ZBTB7B: variants seen among roughly 807,000 people sequenced by gnomAD.
ZBTB7B encodes the protein zinc finger and BTB domain containing 7B.
A neutral mutation model predicts 31.0 loss-of-function variants in ZBTB7B; 8 were observed. That is an observed-to-expected ratio of 0.26 (90% CI 0.15 to 0.47). The LOEUF is 0.47. ZBTB7B is among the 20% of genes least tolerant of loss of function. The pLI, the probability that ZBTB7B is intolerant of heterozygous loss-of-function variation, is 0.99. For synonymous variants in ZBTB7B, 261 were observed against 307.3 expected, an observed-to-expected ratio of 0.85 and a Z score of 1.58; for missense variants, 494 against 742.4, an observed-to-expected ratio of 0.67 and a Z score of 3.89.
At chr1:155,010,960 C>T (rs1232322694) in intron 1 of ZBTB7B, 2 of 1,535,744 alleles carry the variant, frequency 1.3e-6, no homozygotes. Context: ...CCCCAAGCTG[C>T]TGCTCCTGGA....
intron 1 of ZBTB7B, chr1:155,013,965 A>G: frequency 1.1e-6 from 1 of 929,954 alleles, no homozygotes; most frequent in African/African-American, 1.8e-5. Context: ...AAGAGGAGGA[A>G]GAGGATGATG....
At chr1:155,014,550 CTGGCATGCAGTCATCCCTCAATAAGTAT>C in intron 1 of ZBTB7B, 77 bp from the exon 2 acceptor site, 1 of 979,382 alleles carries the variant, frequency 1.0e-6, no homozygotes, top group Non-Finnish European at 1.5e-6. Context: ...AGAAGGGTGA[CTGGCATGCAGTCATCCCTCAATAAGTAT>C]TGGCTAAAGT....
At chr1:155,002,788 A>C (rs1243245039), upstream of ZBTB7B, 1 of 154,094 alleles carries the variant, frequency 6.5e-6, no homozygotes, top group African/African-American at 2.4e-5. Context: ...AGGGCGGCGG[A>C]GGAGGAGCCC....
At chr1:155,012,156 T>G (rs1659033420) in intron 1 of ZBTB7B, among the ~76,000 whole-genome samples, 1 of 152,100 alleles carries the variant, frequency 6.6e-6, no homozygotes. Flanking sequence ...CCTGAGCCTG[T>G]GACCTGACAG....
At chr1:155,011,791 C>T (rs1659006336) in intron 1 of ZBTB7B, among the ~76,000 whole-genome samples, 1 of 152,168 alleles carries the variant, frequency 6.6e-6, no homozygotes, top group Non-Finnish European at 1.5e-5. Context: ...GGAAAGGTGC[C>T]CAAGGTAGGG....
rs760922003 is a variant in ZBTB7B at position 155,015,605 on chromosome 1, G to T, written c.945G>T (p.Met315Ile). Residue 315 changes from methionine (M) to isoleucine (I), a missense_variant, in exon 2 of 3, where the codon ATG becomes ATT. Coordinates refer to ENST00000535420, the MANE Select transcript of ZBTB7B (RefSeq NM_001256455.2). ...SDEDAIDPDL[M>I]AYLSSLHQDN... The stretch of plus-strand genomic sequence containing the variant: ...AGGATGCCATCGATCCTGACCTGAT[G>T]GCCTACCTAAGCTCCCTGCACCAGG... The T allele has an allele frequency of 8.2e-5, 132 of 1,613,652 alleles. 2 individuals carry two copies. The South Asian group carries it at 1.4e-3, about 17-fold the overall frequency.
rs1438159038 is a variant in ZBTB7B at position 155,017,370 on chromosome 1, CCAGCT to C, written c.*686_*690del. 1.9e-5 allele frequency: 2 copies of C among 107,346 alleles called. No homozygotes were observed. The highest frequency in any genetic ancestry group is 4.8e-4 in the East Asian group (2 of 4,154). The allele number at this position is 107,346 out of a possible 1,614,324, so 6.6% of individuals were successfully genotyped here. A position where few individuals can be genotyped will look rare whatever the true frequency, so the allele number is the denominator to read the frequency against. On this transcript the variant is annotated 3_prime_UTR_variant, in exon 3 of 3. Coordinates refer to ENST00000535420, the MANE Select transcript of ZBTB7B (RefSeq NM_001256455.2). ...CCTGGGGGCAGTAGAGGGGCCCCGC[CCAGCT>C]AGGGGAGCCGCTCCGTTCCACTCCC... is the stretch of plus-strand genomic sequence containing the variant.
At chr1:155,010,070 G>C (rs1266581424) in intron 1 of ZBTB7B, among the ~76,000 whole-genome samples, 1 of 152,138 alleles carries the variant, frequency 6.6e-6, no homozygotes, top group Non-Finnish European at 1.5e-5. Context: ...GGGCAAGAGT[G>C]AGGGCTGGAT....
At chr1:155,005,533 G>A (rs574347225) in intron 1 of ZBTB7B, among the ~76,000 whole-genome samples, 2 of 152,352 alleles carry the variant, frequency 1.3e-5, no homozygotes, top group South Asian at 4.1e-4. Context: ...CCCAAGATGA[G>A]TAGTGAATGG....
At position 155,017,906 on chromosome 1, in the gene ZBTB7B, GGATT is replaced by G. The variant is rs1659583538; in HGVS notation, c.*1224_*1227del. On this transcript the variant is annotated 3_prime_UTR_variant, in exon 3 of 3. Transcript: ENST00000535420. Reference sequence around the variant, plus strand: ...GAGAATAATCCCCACTCTGCTCTTAGGATTGAATCCACCCCCATTCTGTACATAG... The same window carrying G: ...GAGAATAATCCCCACTCTGCTCTTAGGAATCCACCCCCATTCTGTACATAG... The G allele has an allele frequency of 6.5e-6, 1 of 152,862 alleles. No homozygotes were observed. The highest frequency in any genetic ancestry group is 2.0e-4 in the South Asian group (1 of 4,902). 9.5% of individuals were successfully genotyped at this position (152,862 alleles called of 1,614,324 possible).
chr1:155,014,797 G>A lies in ZBTB7B; in HGVS notation c.137G>A (p.Arg46His), dbSNP rs140676784. 39 of 1,614,070 alleles carry A rather than the reference G, an allele frequency of 2.4e-5. No individual in the cohort carries two copies. The highest frequency in any genetic ancestry group is 4.0e-5 in the African/African-American group (3 of 74,930). The part of the protein sequence containing the change: ...LTIRTQGLEY[R>H]THRAVLAACS... ...ATCCGGACGCAGGGCCTTGAATACCGCACCCACAGGGCTGTGCTAGCTGCC... is the reference window on the plus strand; with the variant it reads ...ATCCGGACGCAGGGCCTTGAATACCACACCCACAGGGCTGTGCTAGCTGCC... Residue 46 changes from arginine to histidine, a missense_variant, in exon 2 of 3, where the codon CGC (arginine) becomes CAC (histidine). Transcript: ENST00000535420.
chr1:155,016,518 G>T lies in ZBTB7B; in HGVS notation c.1453G>T (p.Asp485Tyr), dbSNP rs1013586756. The change falls in exon 3 of 3, where the codon GAC (aspartate) becomes TAC (tyrosine). Residue 485 changes from aspartate to tyrosine, a missense_variant. Around this residue, in one of 5 missense-constraint regions of ZBTB7B, gnomAD observed 101 missense variants for 119.5 expected, o/e 0.85. Transcript: ENST00000535420. The surrounding 1 kb of genome is among the most constrained non-coding windows in gnomAD (Gnocchi z 4.3). ...CGCTGCTGCATCCCCCGCTGGCCTC[G>T]ACCTCTCCAATGGCCACCTGGACAC... The part of the protein sequence containing the change: ...STAAASPAGL[D>Y]LSNGHLDTFR... 6.2e-7 allele frequency: 1 copy of T among 1,613,990 alleles called. No homozygotes were observed. The highest frequency in any genetic ancestry group is 2.2e-5 in the East Asian group (1 of 44,880).
chr1:155,005,049 C>G (rs1324933565), intron 1 of ZBTB7B, among the ~76,000 whole-genome samples: 1 of 151,486 alleles, frequency 6.6e-6, no homozygotes, highest in East Asian at 2.0e-4. Flanking sequence ...TTCTTCTTCC[C>G]CATGGTGCCC....
At chr1:155,009,586 G>T (rs1423603919) in intron 1 of ZBTB7B, among the ~76,000 whole-genome samples, 3 of 152,088 alleles carry the variant, frequency 2.0e-5, no homozygotes, top group Non-Finnish European at 4.4e-5. Flanking sequence ...GGGCAGAGAG[G>T]CACAGGTTGT....
At position 155,012,917 on chromosome 1, in the gene ZBTB7B, C is replaced by T. The variant is rs552559015; in HGVS notation, c.-6-1738C>T. Among the ~76,000 whole-genome samples the T allele has an allele frequency of 5.9e-5, 9 of 151,536 alleles. No individual in the cohort carries two copies. The East Asian group carries it at 1.2e-3, about 20-fold the overall frequency. ...CAGTGGGACTTGCCTTAGGGATCAT[C>T]TGGGCCAGTCTTTAATATTACATAT... On this transcript the variant is annotated intron_variant, in intron 1 of 2. Transcript: ENST00000535420.
In ZBTB7B at chr1:155,004,448, G is replaced by C. The variant is rs1292792596; in HGVS notation, c.-7+1505G>C. 6.6e-6 allele frequency among the ~76,000 whole-genome samples: 1 copy of C among 152,132 alleles called. No individual in the cohort carries two copies. The highest frequency in any genetic ancestry group is 2.4e-5 in the African/African-American group (1 of 41,406). On this transcript the variant is annotated intron_variant, in intron 1 of 2. Transcript: ENST00000535420. This position sits in a 1 kb window ranked among gnomAD's most constrained non-coding sequence, Gnocchi z 4.0. ...CTAAGGGAGTATGTGTGAGTGTGGG[G>C]ATGAGGCCTGGAGGATTATGGGGTT...
chr1:155,010,886 A>G (rs1658921943), intron 1 of ZBTB7B: 1 of 1,527,164 alleles, frequency 6.5e-7, no homozygotes, highest in Non-Finnish European at 8.8e-7. Context: ...CGTTGGGAAG[A>G]GCCTCAGGTC....
chr1:155,010,861 C>T (rs959758048), intron 1 of ZBTB7B: 2 of 1,468,844 alleles, frequency 1.4e-6, no homozygotes, highest in Non-Finnish European at 1.8e-6. Flanking sequence ...GGGTGGCCAG[C>T]CAAGGCACCA....
Position 155,015,660 on chromosome 1 carries a change from G to C in ZBTB7B, c.1000G>C (p.Asp334His), listed in dbSNP as rs1053132507. ...CCTGGCACCAGGCCTGGACAGCCAA[G>C]ACAAGCTGGTGCGCAAACGCCGCTC... The part of the protein sequence containing the change: ...DNLAPGLDSQ[D>H]KLVRKRRSQM... The change falls in exon 2 of 3, where the codon GAC becomes CAC. Residue 334 changes from aspartate (D) to histidine (H), a missense_variant. Asp to His is a moderately conservative substitution (Grantham distance 81). This residue lies in a region of ZBTB7B where 216 missense variants were observed against 229.3 expected (regional missense o/e 0.94). Transcript: ENST00000535420. 2 of 1,613,372 alleles carry C rather than the reference G, an allele frequency of 1.2e-6. No homozygotes were observed. Among genetic ancestry groups the C allele is most frequent in the African/African-American group, 1.3e-5 (1 of 75,034 alleles).
Sources: gnomAD v4.1 joint callset for allele counts (sites outside exome capture counted in the v4.1 genomes callset) on GRCh38, gnomAD v4.1.1 for gene constraint, gnomAD v4.1.1 regional missense constraint, Gnocchi (gnomAD v3.1) non-coding constraint, MANE v1.5 for transcripts, NCBI Gene and HGNC (gene_info 2026-07-23, HGNC 2026-07-21) for gene names.